Variants in RNF213 observed in about 807,000 individuals in gnomAD.
RNF213 encodes ring finger protein 213.
RNF213 carries 341 observed loss-of-function variants against 514.4 expected under a neutral mutation model. That is an observed-to-expected ratio of 0.66 (90% confidence interval 0.61 to 0.73). RNF213 has a LOEUF of 0.73. RNF213 is among the 30% of genes least tolerant of loss of function. The probability of loss-of-function intolerance (pLI) is 0.00; values close to 1 mark genes in which losing one functional copy is unlikely to be tolerated. For missense variants in RNF213, 5,767 were observed against 6,615.6 expected (o/e 0.87, Z 4.45); for synonymous variants, 2,655 against 2,658.2 (o/e 1.00, Z 0.04).
rs1239333532 is a variant in RNF213, at chr17:80,354,478, C to T, written c.10764C>T (p.Val3588=). ...FLRVSKMRLS[V]FLKKQEESQF... is the part of the protein sequence containing the mutation. ...GGGTATCCAAGATGCGCCTCAGTGT[C>T]TTTTTAAAGAAGCAAGAAGAGAGCC... The change falls in exon 36 of 68, where the codon GTC becomes GTT. Residue 3588 remains valine, a synonymous_variant. Transcript: ENST00000582970. 1.2e-6 allele frequency: 2 copies of T among 1,614,074 alleles called. No individual in the cohort carries two copies. Among genetic ancestry groups the T allele is most frequent in the African/African-American group, 2.7e-5 (2 of 74,912 alleles).
Position 80,272,412 on chromosome 17 carries a change from G to C in RNF213, c.98-829G>C, listed in dbSNP as rs529071300. Among the ~76,000 whole-genome samples the C allele has an allele frequency of 1.9e-3, 297 of 152,380 alleles. 1 individual carries two copies. The highest frequency in any genetic ancestry group is 6.8e-3 in the African/African-American group (283 of 41,604). On this transcript the variant is annotated intron_variant, in intron 2 of 67. Transcript: ENST00000582970. ...GTGAGGGCTTTTGTGCCACATGGCA[G>C]AGTAGGCCGACGGGGATGCTGACAG... is the stretch of plus-strand genomic sequence containing the variant.
Position 80,388,459 on chromosome 17 carries a change from G to A in RNF213, c.14923-153G>A, listed in dbSNP as rs948972424. 8.7e-6 allele frequency: 6 copies of A among 692,766 alleles called. No homozygotes were observed. In the African/African-American group the frequency reaches 8.8e-5, roughly 10 times the overall value. The allele number at this position is 692,766 out of a possible 1,614,324, so 42.9% of individuals were successfully genotyped here. A position where few individuals can be genotyped will look rare whatever the true frequency, so the allele number is the denominator to read the frequency against. The stretch of plus-strand genomic sequence containing the variant: ...TGTGTTACTATTTCCATAGATGGTG[G>A]GTTAATGACGGAGAGGGGCGCTCTT... On this transcript the variant is annotated intron_variant, in intron 63 of 67. Transcript: ENST00000582970.
intron 32 of RNF213, 93 bp from the exon 33 acceptor site, chr17:80,352,847 A>T: frequency 4.4e-6 from 7 of 1,585,452 alleles, no homozygotes; most frequent in Non-Finnish European, 5.2e-6. Context: ...CAGCAAGATA[A>T]TGACAAGCCA....
intron 18 of RNF213, among the ~76,000 whole-genome samples, chr17:80,325,418 C>A (rs1033468710): frequency 2.0e-5 from 3 of 152,126 alleles, no homozygotes; most frequent in Non-Finnish European, 4.4e-5. Context: ...TGAATGCTTG[C>A]TGTACCCTAG....
rs1226790718 is a variant in RNF213, at chr17:80,381,684, C to G, written c.13935C>G (p.Val4645=). 2 of 1,614,150 alleles carry G rather than the reference C, an allele frequency of 1.2e-6. No individual in the cohort carries two copies. The highest frequency in any genetic ancestry group is 3.3e-5 in the Admixed American group (2 of 60,030). ...AGACCATCGGCGTGGTCCACCTCGT[C>G]CTGCGCAGGCTTCTCCAAGAGCAGC... The part of the protein sequence containing the change: ...ADETIGVVHL[V]LRRLLQEQHQ... The change falls in exon 57 of 68, where the codon GTC becomes GTG. Residue 4645 remains valine (V), a synonymous_variant. Coordinates refer to ENST00000582970, the MANE Select transcript of RNF213 (RefSeq NM_001256071.3).
chr17:80,324,995 T>C, intron 17 of RNF213, 35 bp from the exon 18 acceptor site: 1 of 1,528,918 alleles, frequency 6.5e-7, no homozygotes, highest in Non-Finnish European at 8.8e-7. Flanking sequence ...AATGAAAAAC[T>C]TCTAAATGTC....
rs556698877 is a variant in RNF213, at chr17:80,349,880, C to G, written c.10062C>G (p.Thr3354=). Residue 3354 remains threonine (T), a synonymous_variant, in exon 30 of 68, where the codon ACC becomes ACG. Coordinates refer to ENST00000582970, the MANE Select transcript of RNF213 (RefSeq NM_001256071.3). ...PTLLWLQQFD[T]EYSFLKEVRN... is the part of the protein sequence containing the mutation. ...TCCTGTGGCTGCAGCAGTTTGACAC[C>G]GAGTACTCATTCCTCAAAGAAGTCC... 6 of 1,613,922 alleles carry G rather than the reference C, an allele frequency of 3.7e-6. No individual in the cohort carries two copies. The highest frequency in any genetic ancestry group is 2.2e-5 in the East Asian group (1 of 44,882).
At chr17:80,284,141 C>T (rs1476389313) in intron 3 of RNF213, among the ~76,000 whole-genome samples, 1 of 151,946 alleles carries the variant, frequency 6.6e-6, no homozygotes, top group African/African-American at 2.4e-5. Context: ...GGGTGGATCA[C>T]CTGAGGTCAG....
Position 80,306,328 on chromosome 17 carries a change from A to G in RNF213, c.2287A>G (p.Ser763Gly), listed in dbSNP as rs1388990470. The G allele has an allele frequency of 6.2e-7, 1 of 1,614,154 alleles. No individual in the cohort carries two copies. Among genetic ancestry groups the G allele is most frequent in the East Asian group, 2.2e-5 (1 of 44,884 alleles). ...IDEPLFRSWF[S>G]LLPLSHLVMY... is the part of the protein sequence containing the mutation. Reference sequence around the variant, plus strand: ...CGAGCCTCTCTTCCGGTCCTGGTTTAGTCTGCTACCTCTGAGTCACCTGGT... The same window carrying G: ...CGAGCCTCTCTTCCGGTCCTGGTTTGGTCTGCTACCTCTGAGTCACCTGGT... Residue 763 changes from serine (S) to glycine (G), a missense_variant, in exon 12 of 68, where the codon AGT becomes GGT. Around this residue, in one of 13 missense-constraint regions of RNF213, gnomAD observed 592 missense variants for 673.9 expected, o/e 0.88. Transcript: ENST00000582970.
In RNF213 at chr17:80,397,447, C is replaced by T. The variant is rs370341809; in HGVS notation, c.*3949C>T. Reference sequence around the variant, plus strand: ...CAGACAGCCTGCACCACACCCTGGGCCTGGTAGTTAAAGATCGACGCCTGA... The same window carrying T: ...CAGACAGCCTGCACCACACCCTGGGTCTGGTAGTTAAAGATCGACGCCTGA... On this transcript the variant is annotated 3_prime_UTR_variant, in exon 68 of 68. Transcript: ENST00000582970. 6.6e-6 allele frequency: 1 copy of T among 152,182 alleles called. No individual in the cohort carries two copies. Among genetic ancestry groups the T allele is most frequent in the East Asian group, 1.9e-4 (1 of 5,162 alleles). The allele number at this position is 152,182 out of a possible 1,614,324, so 9.4% of individuals were successfully genotyped here.
intron 36 of RNF213, among the ~76,000 whole-genome samples, chr17:80,356,298 G>A (rs72851440): frequency 0.031 from 4,780 of 152,274 alleles, 109 homozygotes; most frequent in Middle Eastern, 0.065. Flanking sequence ...CAGTGTGCCC[G>A]GCCTGTTGAT....
chr17:80,285,883 C>T (rs990003743), intron 3 of RNF213, among the ~76,000 whole-genome samples: 6 of 152,124 alleles, frequency 3.9e-5, no homozygotes, highest in Non-Finnish European at 7.3e-5. Flanking sequence ...ACCATGTTGG[C>T]CAGGCTGGTG....
chr17:80,379,459 G>A (rs1196584869), intron 54 of RNF213, 161 bp from the exon 55 acceptor site: 5 of 723,280 alleles, frequency 6.9e-6, no homozygotes, highest in Non-Finnish European at 1.3e-5. Context: ...TACCTACCCT[G>A]TTCCCATGGG....
chr17:80,332,293 C>G lies in RNF213; in HGVS notation c.3805C>G (p.Leu1269Val), dbSNP rs753352325. 3 of 1,537,206 alleles carry G rather than the reference C, an allele frequency of 2.0e-6. No individual in the cohort carries two copies. In the African/African-American group the frequency reaches 4.1e-5, roughly 21 times the overall value. Reference protein sequence around the residue: ...EPEEESERHILELEEVYDYLY... With the variant: ...EPEEESERHIVELEEVYDYLY... ...CGAAGAAGAATCAGAAAGGCACATCCTTGAGCTTGAAGAGGTGTATGACTA... is the reference window on the plus strand; with the variant it reads ...CGAAGAAGAATCAGAAAGGCACATCGTTGAGCTTGAAGAGGTGTATGACTA... The change falls in exon 21 of 68, where the codon CTT becomes GTT. Residue 1269 changes from leucine to valine, a missense_variant. By Grantham distance (32) the Leu-to-Val change is conservative. Transcript: ENST00000582970.
chr17:80,274,000 G>A (rs567291293), intron 3 of RNF213, among the ~76,000 whole-genome samples: 73 of 152,284 alleles, frequency 4.8e-4, no homozygotes, highest in Non-Finnish European at 8.1e-4. Context: ...CTGAGCTTCT[G>A]CCGTGTGTAT....
intron 14 of RNF213, among the ~76,000 whole-genome samples, chr17:80,312,166 A>G (rs1471031263): frequency 6.6e-6 from 1 of 151,972 alleles, no homozygotes; most frequent in Non-Finnish European, 1.5e-5. Context: ...GAAAAAGACC[A>G]CACATTAATC....
intron 17 of RNF213, among the ~76,000 whole-genome samples, chr17:80,322,109 T>C (rs2046155360): frequency 6.6e-6 from 1 of 151,862 alleles, no homozygotes; most frequent in African/African-American, 2.4e-5. Context: ...CTGTATCTTC[T>C]TTGGAGAAAT....
intron 36 of RNF213, among the ~76,000 whole-genome samples, chr17:80,356,801 T>C (rs908465520): frequency 5.3e-5 from 8 of 152,258 alleles, no homozygotes; most frequent in South Asian, 2.1e-4. Flanking sequence ...ATTTTCCCAA[T>C]AGACATTTTA....
At chr17:80,311,802 C>T in intron 14 of RNF213, among the ~76,000 whole-genome samples, 1 of 152,096 alleles carries the variant, frequency 6.6e-6, no homozygotes, top group East Asian at 1.9e-4. Flanking sequence ...CTGACACTTG[C>T]ACGATGTGCG....
Sources: gnomAD v4.1 joint callset for allele counts (sites outside exome capture counted in the v4.1 genomes callset) on GRCh38, gnomAD v4.1.1 for gene constraint, gnomAD v4.1.1 regional missense constraint, MANE v1.5 for transcripts, NCBI Gene and HGNC (gene_info 2026-07-23, HGNC 2026-07-21) for gene names.